The following FRY variants were observed in gnomAD, a reference collection of about 807,000 sequenced individuals.
FRY encodes the protein protein furry homolog.
In FRY, 128 loss-of-function variants were observed where a neutral mutation model predicts 348.4. That is an observed-to-expected ratio of 0.37 (90% CI 0.32 to 0.43). FRY has a LOEUF of 0.43. FRY is among the 20% of genes least tolerant of loss of function. The pLI is 1.00. For missense variants in FRY, 2,736 were observed against 3,695.2 expected (o/e 0.74, Z 6.73); for synonymous variants, 1,370 against 1,374.7 (o/e 1.00, Z 0.08).
At position 32,140,084 on chromosome 13, in the gene FRY, TA is replaced by T. The variant is rs145494759; in HGVS notation, c.1179+3122del. Reference sequence around the variant, plus strand: ...AATATACCAGTGAGGCCCAGATTATTAAAAAAAAAACAAAAACAGAAAAGAA... The same window carrying T: ...AATATACCAGTGAGGCCCAGATTATTAAAAAAAAACAAAAACAGAAAAGAA... On this transcript the variant is annotated intron_variant, in intron 11 of 60. Coordinates refer to ENST00000542859, the MANE Select transcript of FRY (RefSeq NM_023037.3). 6.1e-3 allele frequency among the ~76,000 whole-genome samples: 882 copies of T among 143,718 alleles called. 6 individuals carry two copies. Among genetic ancestry groups the T allele is most frequent in the African/African-American group, 0.022 (820 of 37,656 alleles). The allele number at this position is 143,718 out of a possible 152,430, so 94.3% of individuals were successfully genotyped here. A position where few individuals can be genotyped will look rare whatever the true frequency, so the allele number is the denominator to read the frequency against.
intron 2 of FRY, among the ~76,000 whole-genome samples, chr13:32,094,002 T>C (rs1290339279): frequency 1.3e-5 from 2 of 152,250 alleles, no homozygotes; most frequent in African/African-American, 4.8e-5. Flanking sequence ...AATGGCATCA[T>C]TATTTTGAGC....
At chr13:32,150,093 A>G (rs1320496054) in intron 14 of FRY, among the ~76,000 whole-genome samples, 1 of 152,244 alleles carries the variant, frequency 6.6e-6, no homozygotes. Context: ...CTTGCCCAAA[A>G]AGATAATTCA....
intron 14 of FRY, among the ~76,000 whole-genome samples, chr13:32,153,174 A>G (rs1286193666): frequency 1.3e-5 from 2 of 152,192 alleles, no homozygotes; most frequent in Admixed American, 6.5e-5. Context: ...ACTTAACCAT[A>G]TGACTCAGCA....
intron 2 of FRY, among the ~76,000 whole-genome samples, chr13:32,099,579 C>G (rs1877014948): frequency 6.6e-6 from 1 of 152,024 alleles, no homozygotes; most frequent in Non-Finnish European, 1.5e-5. Flanking sequence ...CATAAAAGCT[C>G]TATTTCCTTT....
chr13:32,218,093 T>G (rs977483896), intron 35 of FRY, among the ~76,000 whole-genome samples: 1 of 152,250 alleles, frequency 6.6e-6, no homozygotes, highest in Non-Finnish European at 1.5e-5. Flanking sequence ...GAAATATTTA[T>G]TGACCACCTA....
chr13:32,072,073 A>G (rs461603), intron 1 of FRY, among the ~76,000 whole-genome samples: 70,924 of 152,054 alleles, frequency 0.47, 19,231 homozygotes, highest in Non-Finnish European at 0.59. Flanking sequence ...AAGGGAGATT[A>G]GCCTTCTAGG....
At chr13:32,043,893 G>A (rs1434846825) in intron 1 of FRY, among the ~76,000 whole-genome samples, 2 of 152,078 alleles carry the variant, frequency 1.3e-5, no homozygotes, top group Non-Finnish European at 2.9e-5. Flanking sequence ...AATCACTTGA[G>A]CCCCTTAAGA....
intron 28 of FRY, among the ~76,000 whole-genome samples, chr13:32,193,360 C>T (rs1380176598): frequency 1.3e-5 from 2 of 151,722 alleles, no homozygotes; most frequent in Non-Finnish European, 1.5e-5. Flanking sequence ...GACATTGATA[C>T]ACAAGTATAC....
chr13:32,202,941 A>T (rs61347870), intron 31 of FRY, among the ~76,000 whole-genome samples: 60,963 of 150,232 alleles, frequency 0.41, 12,506 homozygotes, highest in Admixed American at 0.43. Context: ...AGAGTGAGAC[A>T]GTCTCAAAAA....
In FRY at chr13:32,224,273, A is replaced by G. The variant is rs984157932; in HGVS notation, c.4804A>G (p.Ile1602Val). The change falls in exon 37 of 61, where the codon ATT (isoleucine) becomes GTT (valine). Residue 1602 changes from isoleucine to valine, a missense_variant. Ile to Val is a conservative substitution (Grantham distance 29, BLOSUM62 3). Transcript: ENST00000542859. ...TCCCTACACGGGCTGGTTGCTGACT[A>G]TTACAGAGACCAAGCAGCCGCAGCC... is the stretch of plus-strand genomic sequence containing the variant. ...ISPYTGWLLT[I>V]TETKQPQPLP... 6.2e-7 allele frequency: 1 copy of G among 1,613,862 alleles called. No individual in the cohort carries two copies. Among genetic ancestry groups the G allele is most frequent in the Non-Finnish European group, 8.5e-7 (1 of 1,179,914 alleles).
chr13:32,149,441 C>T (rs1380032739), intron 13 of FRY, among the ~76,000 whole-genome samples: 1 of 125,940 alleles, frequency 7.9e-6, no homozygotes, highest in East Asian at 2.6e-4. Context: ...GCCCAGATAC[C>T]CCAAGTGTTT....
intron 11 of FRY, among the ~76,000 whole-genome samples, chr13:32,140,575 A>G (rs1414955700): frequency 6.6e-6 from 1 of 152,138 alleles, no homozygotes; most frequent in African/African-American, 2.4e-5. Flanking sequence ...ACCAACAAGC[A>G]AATAAATAAA....
chr13:32,139,696 A>G (rs1159948767), intron 11 of FRY, among the ~76,000 whole-genome samples: 1 of 152,198 alleles, frequency 6.6e-6, no homozygotes, highest in African/African-American at 2.4e-5. Flanking sequence ...AATTGATGAG[A>G]AATGTATAGC....
At chr13:32,156,894 A>AC (rs1219029982) in intron 15 of FRY, among the ~76,000 whole-genome samples, 2 of 152,122 alleles carry the variant, frequency 1.3e-5, no homozygotes, top group African/African-American at 2.4e-5. Flanking sequence ...TAAAGTCCTA[A>AC]CCCCCAATGA....
At chr13:32,124,944 A>G in intron 7 of FRY, 69 bp downstream of exon 7, 1 of 1,172,698 alleles carries the variant, frequency 8.5e-7, no homozygotes, top group Non-Finnish European at 1.3e-6. Context: ...GCCCTAATTT[A>G]GGGAAGTTGG....
At chr13:32,222,141 T>G (rs942729850) in intron 36 of FRY, among the ~76,000 whole-genome samples, 4 of 152,100 alleles carry the variant, frequency 2.6e-5, no homozygotes, top group Non-Finnish European at 5.9e-5. Context: ...AGCAAAGAAG[T>G]GAGCCATGCA....
At chr13:32,090,751 T>C (rs1387773702) in intron 2 of FRY, among the ~76,000 whole-genome samples, 2 of 152,196 alleles carry the variant, frequency 1.3e-5, no homozygotes, top group Non-Finnish European at 2.9e-5. Flanking sequence ...TGAGAGCTGC[T>C]CTTTTGTTCA....
chr13:32,240,963 A>G (rs889187432), intron 46 of FRY, among the ~76,000 whole-genome samples: 4 of 152,196 alleles, frequency 2.6e-5, no homozygotes, highest in African/African-American at 7.2e-5. Flanking sequence ...TTGACTTGCA[A>G]TACAGATCAG....
intron 1 of FRY, among the ~76,000 whole-genome samples, chr13:32,068,914 T>A (rs1220896199): frequency 5.3e-4 from 9 of 17,078 alleles, no homozygotes; most frequent in African/African-American, 2.8e-3. Context: ...TTCAATTCTT[T>A]TTTTTTTTTT....
Sources: allele counts gnomAD v4.1 joint callset (sites outside exome capture counted in the v4.1 genomes callset), GRCh38; gene constraint gnomAD v4.1.1; transcripts MANE v1.5; gene names NCBI Gene and HGNC (gene_info 2026-07-23, HGNC 2026-07-21).